The following TSGA10 variants were observed in gnomAD, a reference collection of about 807,000 sequenced individuals.
TSGA10 encodes testis specific 10.
In TSGA10, 43 loss-of-function variants were observed where a neutral mutation model predicts 96.6. That is an observed-to-expected ratio of 0.44 (90% CI 0.35 to 0.57). The LOEUF (loss-of-function observed/expected upper bound fraction) is 0.57, where lower values mean the gene tolerates loss of function less well. Among genes scored for constraint, TSGA10 ranks in the 20% least tolerant of loss-of-function variants. TSGA10 has a pLI of 0.01. For synonymous variants in TSGA10, 229 were observed against 269.9 expected (o/e 0.85, Z 1.48); for missense variants, 703 against 834.4 (o/e 0.84, Z 1.94).
chr2:99,073,823 A>G (rs776639088), intron 12 of TSGA10, among the ~76,000 whole-genome samples: 16 of 152,228 alleles, frequency 1.1e-4, no homozygotes, highest in Admixed American at 5.9e-4. Context: ...AACTAGTCCA[A>G]CTATAAACAG....
At chr2:99,152,412 A>T (rs1246907201) in intron 1 of TSGA10, among the ~76,000 whole-genome samples, 1 of 152,090 alleles carries the variant, frequency 6.6e-6, no homozygotes, top group East Asian at 1.9e-4. Context: ...TCAGCCTCCT[A>T]GTAGCTAGGA....
At chr2:99,102,179 A>T (rs2090845257) in intron 10 of TSGA10, 1 of 1,557,064 alleles carries the variant, frequency 6.4e-7, no homozygotes, top group Non-Finnish European at 8.9e-7. Context: ...GGAAATATGA[A>T]GCTATTCAGT....
intron 1 of TSGA10, chr2:99,140,924 C>A: frequency 8.3e-6 from 3 of 359,746 alleles, no homozygotes; most frequent in South Asian, 7.5e-5. Flanking sequence ...GGCAGCTGTG[C>A]CCGCCGCTGC....
intron 1 of TSGA10, among the ~76,000 whole-genome samples, chr2:99,145,482 C>T (rs1359945381): frequency 1.3e-5 from 2 of 151,790 alleles, no homozygotes; most frequent in East Asian, 1.9e-4. Flanking sequence ...CACTTGAACC[C>T]AGGAGGCGGA....
At chr2:99,028,826 G>A (rs949793773) in intron 17 of TSGA10, among the ~76,000 whole-genome samples, 7 of 152,158 alleles carry the variant, frequency 4.6e-5, no homozygotes, top group African/African-American at 1.7e-4. Context: ...TTGTGAAGCA[G>A]TGGCTTTTTG....
At chr2:99,049,811 T>C (rs1202182446) in intron 16 of TSGA10, among the ~76,000 whole-genome samples, 1 of 151,468 alleles carries the variant, frequency 6.6e-6, no homozygotes, top group Non-Finnish European at 1.5e-5. Flanking sequence ...AGATCCACCA[T>C]ATAAGAAACA....
intron 1 of TSGA10, among the ~76,000 whole-genome samples, chr2:99,129,684 A>G (rs1411771545): frequency 6.6e-6 from 1 of 152,210 alleles, no homozygotes; most frequent in African/African-American, 2.4e-5. Context: ...TCTCATCATT[A>G]GAATGGAACT....
At chr2:99,134,941 T>C (rs1382898268) in intron 1 of TSGA10, among the ~76,000 whole-genome samples, 1 of 152,178 alleles carries the variant, frequency 6.6e-6, no homozygotes, top group Non-Finnish European at 1.5e-5. Context: ...ACAGCAAAGA[T>C]TGCTGCCTGT....
At chr2:99,010,449 C>T (rs945257217) in intron 20 of TSGA10, among the ~76,000 whole-genome samples, 2 of 152,194 alleles carry the variant, frequency 1.3e-5, no homozygotes, top group Admixed American at 1.3e-4. Context: ...AACCTACCTC[C>T]GAACACGTCC....
At chr2:99,059,164 G>C (rs949660033) in intron 16 of TSGA10, among the ~76,000 whole-genome samples, 1 of 149,906 alleles carries the variant, frequency 6.7e-6, no homozygotes, top group Non-Finnish European at 1.5e-5. Flanking sequence ...CTGGGTGACA[G>C]AGCTAGACCA....
intron 1 of TSGA10, among the ~76,000 whole-genome samples, chr2:99,148,042 A>G (rs927231836): frequency 1.9e-4 from 29 of 152,312 alleles, no homozygotes; most frequent in African/African-American, 7.0e-4. Context: ...TCCCAATTCA[A>G]GAGCATTGGT....
intron 10 of TSGA10, among the ~76,000 whole-genome samples, chr2:99,087,472 C>G (rs950826151): frequency 6.6e-6 from 1 of 152,156 alleles, no homozygotes; most frequent in African/African-American, 2.4e-5. Context: ...CACCACTGCA[C>G]TCCAGCCTCG....
chr2:99,040,211 G>A (rs1016265611), intron 16 of TSGA10, among the ~76,000 whole-genome samples: 4 of 152,218 alleles, frequency 2.6e-5, no homozygotes, highest in African/African-American at 7.2e-5. Context: ...ACTAGAACAA[G>A]ACAAGAATGC....
At chr2:99,127,595 TAA>T (rs907060767) in intron 1 of TSGA10, among the ~76,000 whole-genome samples, 3 of 151,964 alleles carry the variant, frequency 2.0e-5, no homozygotes, top group African/African-American at 7.3e-5. Flanking sequence ...TCCCTAGAAA[TAA>T]AAAAGATTAA....
At chr2:99,061,042 G>T (rs560526775) in intron 16 of TSGA10, among the ~76,000 whole-genome samples, 11 of 152,228 alleles carry the variant, frequency 7.2e-5, no homozygotes, top group African/African-American at 2.6e-4. Context: ...AGTATAAAAA[G>T]AAAATTGGTA....
intron 20 of TSGA10, among the ~76,000 whole-genome samples, chr2:99,012,500 C>T (rs570356185): frequency 5.9e-5 from 9 of 151,954 alleles, no homozygotes; most frequent in South Asian, 2.1e-4. Context: ...AGATATTCCA[C>T]GCAAATGGAA....
Position 99,105,618 on chromosome 2 carries a change from A to T in TSGA10, c.290T>A (p.Ile97Asn). 6.2e-7 allele frequency: 1 copy of T among 1,610,152 alleles called. No homozygotes were observed. Residue 97 changes from isoleucine to asparagine, a missense_variant, in exon 8 of 21, where the codon ATT becomes AAT. This residue lies in a region of TSGA10 where 585 missense variants were observed against 656.8 expected (regional missense o/e 0.89). Coordinates refer to ENST00000393483, the MANE Select transcript of TSGA10 (RefSeq NM_025244.4). The part of the protein sequence containing the change: ...KSPKSTTAHA[I>N]LRRVETERDV... ...TCTTTCAGTCTCCACTCGCCGGAGAATAGCATGTGCCGTTGTTGATTTAGG... is the reference window on the plus strand; with the variant it reads ...TCTTTCAGTCTCCACTCGCCGGAGATTAGCATGTGCCGTTGTTGATTTAGG...
At chr2:99,044,344 T>C (rs1465880165) in intron 16 of TSGA10, among the ~76,000 whole-genome samples, 1 of 93,256 alleles carries the variant, frequency 1.1e-5, no homozygotes, top group African/African-American at 5.4e-5. Flanking sequence ...ACCAAGCAAA[T>C]GGAAAGCAAA....
chr2:99,018,117 T>G, intron 20 of TSGA10, 83 bp downstream of exon 20: 18 of 1,411,104 alleles, frequency 1.3e-5, no homozygotes, highest in Non-Finnish European at 1.6e-5. Flanking sequence ...GATAGACTAT[T>G]GAGTTTCCTT....
Sources: allele counts gnomAD v4.1 joint callset (sites outside exome capture counted in the v4.1 genomes callset), GRCh38; gene constraint gnomAD v4.1.1; regional missense constraint gnomAD v4.1.1; transcripts MANE v1.5; gene names NCBI Gene and HGNC (gene_info 2026-07-23, HGNC 2026-07-21).